SLC22A23: variants seen among roughly 807,000 people sequenced by gnomAD.
The protein encoded by SLC22A23 is ion transporter protein.
SLC22A23 carries 26 observed loss-of-function variants against 61.0 expected under a neutral mutation model. The observed-to-expected ratio is 0.43, with a 90% CI of 0.31 to 0.59. The LOEUF (loss-of-function observed/expected upper bound fraction) is 0.59, where lower values mean the gene tolerates loss of function less well. Ranked by LOEUF, SLC22A23 falls within the 20% of genes least tolerant of loss-of-function variation. The pLI is 0.11. For synonymous variants in SLC22A23, 430 were observed against 413.9 expected, an observed-to-expected ratio of 1.04 and a Z score of -0.47; for missense variants, 796 against 934.7, an observed-to-expected ratio of 0.85 and a Z score of 1.94.
chr6:3,281,954 A>T (rs953433236), intron 9 of SLC22A23, among the ~76,000 whole-genome samples: 4 of 152,164 alleles, frequency 2.6e-5, no homozygotes, highest in African/African-American at 9.7e-5. Flanking sequence ...TCTATCCTCA[A>T]ATCTTTCCAG....
At chr6:3,449,856 A>G (rs1369770143) in intron 1 of SLC22A23, among the ~76,000 whole-genome samples, 2 of 152,234 alleles carry the variant, frequency 1.3e-5, no homozygotes, top group African/African-American at 4.8e-5. Context: ...TTCGTGATAT[A>G]TTGTGAATAT....
chr6:3,428,137 C>T (rs1770625386), intron 1 of SLC22A23, among the ~76,000 whole-genome samples: 1 of 152,238 alleles, frequency 6.6e-6, no homozygotes, highest in Admixed American at 6.5e-5. Flanking sequence ...GTAGAGAACA[C>T]ATGTCACAAC....
At chr6:3,290,541 T>C (rs111361335) in intron 5 of SLC22A23, 2,228 of 153,738 alleles carry the variant, frequency 0.014, 55 homozygotes, top group African/African-American at 0.051. Flanking sequence ...GGCTGGACAA[T>C]ATTTTGGCTC....
intron 1 of SLC22A23, among the ~76,000 whole-genome samples, chr6:3,437,518 A>C (rs1292111473): frequency 6.6e-6 from 1 of 151,520 alleles, no homozygotes; most frequent in Admixed American, 6.6e-5. Context: ...TCTACTAAAA[A>C]CAAAAAAAAA....
intron 9 of SLC22A23, among the ~76,000 whole-genome samples, chr6:3,278,386 C>G (rs1191434504): frequency 1.3e-5 from 2 of 152,148 alleles, no homozygotes; most frequent in African/African-American, 4.8e-5. Flanking sequence ...TGAGGAAGAG[C>G]AAGAATTTGG....
At position 3,456,591 on chromosome 6, in the gene SLC22A23, T is replaced by G. The variant is rs895867378; in HGVS notation, c.-32A>C. ...GGCCCGCGGCTCCCGCAGAGGCGCATAGAGCGCGGCGGAGGCTCCGCGGGC... is the reference window on the plus strand; with the variant it reads ...GGCCCGCGGCTCCCGCAGAGGCGCAGAGAGCGCGGCGGAGGCTCCGCGGGC... On this transcript the variant is annotated 5_prime_UTR_variant, in exon 1 of 10. The change abolishes an upstream ATG in the 5' untranslated region. Coordinates refer to ENST00000406686, the MANE Select transcript of SLC22A23 (RefSeq NM_015482.2). The surrounding 1 kb of genome is among the most constrained non-coding windows in gnomAD (Gnocchi z 7.1). 1 of 980,316 alleles carries G rather than the reference T, an allele frequency of 1.0e-6. No homozygotes were observed. Among genetic ancestry groups the G allele is most frequent in the Non-Finnish European group, 1.2e-6 (1 of 828,576 alleles). The allele number at this position is 980,316 out of a possible 1,614,324, so 60.7% of individuals were successfully genotyped here. A position where few individuals can be genotyped will look rare whatever the true frequency, so the allele number is the denominator to read the frequency against.
intron 1 of SLC22A23, among the ~76,000 whole-genome samples, chr6:3,428,156 C>T (rs200743961): frequency 1.3e-5 from 2 of 152,362 alleles, no homozygotes; most frequent in East Asian, 3.9e-4. Context: ...ACTCAAGCCT[C>T]AGTAAGTGGA....
chr6:3,283,911 G>A lies in SLC22A23; in HGVS notation c.1644C>T (p.Ser548=). The change falls in exon 9 of 10, where the codon TCC becomes TCT. Residue 548 remains serine (S), a synonymous_variant. Coordinates refer to ENST00000406686, the MANE Select transcript of SLC22A23 (RefSeq NM_015482.2). ...IAFSIVGMFA[S]HAVGSLSVFF... is the part of the protein sequence containing the mutation. ...ACACGCTGAGGCTCCCCACCGCATGGGAGGCAAACATGCCCACGATGGAAA... is the reference window on the plus strand; with the variant it reads ...ACACGCTGAGGCTCCCCACCGCATGAGAGGCAAACATGCCCACGATGGAAA... 2 of 1,611,768 alleles carry A rather than the reference G, an allele frequency of 1.2e-6. No individual in the cohort carries two copies. Among genetic ancestry groups the A allele is most frequent in the Middle Eastern group, 1.7e-4 (1 of 6,058 alleles).
chr6:3,340,676 T>A (rs114320044), intron 3 of SLC22A23, among the ~76,000 whole-genome samples: 138 of 152,216 alleles, frequency 9.1e-4, no homozygotes, highest in Non-Finnish European at 1.6e-3. Flanking sequence ...CGTAGCAAAT[T>A]TATAAAGTGA....
At chr6:3,358,376 T>C (rs1765239600) in intron 3 of SLC22A23, among the ~76,000 whole-genome samples, 1 of 152,062 alleles carries the variant, frequency 6.6e-6, no homozygotes, top group Non-Finnish European at 1.5e-5. Flanking sequence ...AAAAATACAA[T>C]AGAATATGAT....
At chr6:3,311,609 A>G (rs1762370359) in intron 4 of SLC22A23, 1 of 152,238 alleles carries the variant, frequency 6.6e-6, no homozygotes, top group South Asian at 2.1e-4. Flanking sequence ...TGGGATGAGT[A>G]TCATGAAATC....
intron 3 of SLC22A23, among the ~76,000 whole-genome samples, chr6:3,377,368 G>A (rs1273356545): frequency 2.0e-5 from 3 of 152,154 alleles, no homozygotes; most frequent in Non-Finnish European, 4.4e-5. Context: ...GGAATGGAGA[G>A]GGTCAACAGA....
intron 1 of SLC22A23, among the ~76,000 whole-genome samples, chr6:3,447,053 T>C (rs999409652): frequency 1.3e-5 from 2 of 152,226 alleles, no homozygotes; most frequent in African/African-American, 2.4e-5. Context: ...ATACGAACTC[T>C]GACTGCATCA....
At chr6:3,441,153 T>C (rs1476610356) in intron 1 of SLC22A23, among the ~76,000 whole-genome samples, 1 of 152,112 alleles carries the variant, frequency 6.6e-6, no homozygotes, top group Non-Finnish European at 1.5e-5. Flanking sequence ...ACCACAGTTT[T>C]GTGATGGGGG....
chr6:3,411,471 TG>T (rs1205925094), intron 2 of SLC22A23, among the ~76,000 whole-genome samples: 2 of 152,156 alleles, frequency 1.3e-5, no homozygotes, highest in East Asian at 1.9e-4. Context: ...TGTCCAGGAC[TG>T]GGGGGTGATG....
At position 3,437,406 on chromosome 6, in the gene SLC22A23, G is replaced by A. The variant is rs192917932; in HGVS notation, c.654+18500C>T. Among the ~76,000 whole-genome samples the A allele has an allele frequency of 3.5e-4, 53 of 152,064 alleles. No homozygotes were observed. The East Asian group carries it at 5.4e-3, about 16-fold the overall frequency. ...TAAAATGAAATAATAGGCCAGGCGC[G>A]GTGGCTCACGCCTGTAATCCCAGCA... On this transcript the variant is annotated intron_variant, in intron 1 of 9. Transcript: ENST00000406686.
At chr6:3,281,064 G>A (rs1278171843) in intron 9 of SLC22A23, among the ~76,000 whole-genome samples, 1 of 152,214 alleles carries the variant, frequency 6.6e-6, no homozygotes, top group African/African-American at 2.4e-5. Flanking sequence ...CCCTCCGTGA[G>A]GGCAAAGGAA....
rs115120474 is a variant in SLC22A23, at chr6:3,321,752, T to G, written c.1082+2082A>C. Among the ~76,000 whole-genome samples, 437 of 152,194 alleles carry G rather than the reference T, an allele frequency of 2.9e-3. 5 individuals are homozygous for G. The highest frequency in any genetic ancestry group is 0.01 in the African/African-American group (416 of 41,514). On this transcript the variant is annotated intron_variant, in intron 4 of 9. Coordinates refer to ENST00000406686, the MANE Select transcript of SLC22A23 (RefSeq NM_015482.2). Reference sequence around the variant, plus strand: ...GGAAACAACCCTGTCTGACCTCTCTTCTCAGGAGTATGGGTCGCCAAGAGG... The same window carrying G: ...GGAAACAACCCTGTCTGACCTCTCTGCTCAGGAGTATGGGTCGCCAAGAGG...
chr6:3,348,084 C>G (rs1764545626), intron 3 of SLC22A23, among the ~76,000 whole-genome samples: 1 of 152,178 alleles, frequency 6.6e-6, no homozygotes, highest in African/African-American at 2.4e-5. Context: ...GGGGGACACA[C>G]TTATCTAGTT....
Sources: gnomAD v4.1 joint callset for allele counts (sites outside exome capture counted in the v4.1 genomes callset) on GRCh38, gnomAD v4.1.1 for gene constraint, Gnocchi (gnomAD v3.1) non-coding constraint, MANE v1.5 for transcripts, NCBI Gene and HGNC (gene_info 2026-07-23, HGNC 2026-07-21) for gene names.